Variants in RPAP3 observed in about 807,000 individuals in gnomAD.
RPAP3 encodes the protein RNA polymerase II-associated protein 3.
RPAP3 carries 58 observed loss-of-function variants against 88.8 expected under a neutral mutation model. The observed-to-expected ratio is 0.65, with a 90% CI of 0.53 to 0.81. The LOEUF is 0.81. Ranked by LOEUF, RPAP3 falls within the 40% of genes least tolerant of loss-of-function variation. The pLI, the probability that RPAP3 is intolerant of heterozygous loss-of-function variation, is 0.00. For missense variants in RPAP3, 751 were observed against 764.3 expected (o/e 0.98, Z 0.20); for synonymous variants, 255 against 259.9 (o/e 0.98, Z 0.18).
At chr12:47,681,644 T>C (rs1177668058) in intron 10 of RPAP3, 52 bp downstream of exon 10, 3 of 1,576,660 alleles carry the variant, frequency 1.9e-6, no homozygotes, top group Non-Finnish European at 2.6e-6. Flanking sequence ...TCTGCTTCTT[T>C]AACTTGGGCA....
At chr12:47,672,025 G>A (rs1164977085) in intron 12 of RPAP3, among the ~76,000 whole-genome samples, 1 of 150,646 alleles carries the variant, frequency 6.6e-6, no homozygotes, top group Non-Finnish European at 1.5e-5. Flanking sequence ...GAAGAACAAA[G>A]GAATAAAGAG....
intron 13 of RPAP3, among the ~76,000 whole-genome samples, chr12:47,669,474 C>CA (rs372314627): frequency 3.3e-5 from 5 of 150,980 alleles, no homozygotes; most frequent in Admixed American, 6.6e-5. Flanking sequence ...ATGCTTCTTC[C>CA]AAAAAAAACT....
At chr12:47,691,397 A>G (rs751555628) in intron 5 of RPAP3, among the ~76,000 whole-genome samples, 3 of 152,208 alleles carry the variant, frequency 2.0e-5, no homozygotes, top group Admixed American at 6.5e-5. Flanking sequence ...AAAGTCATCC[A>G]TAAGAGTTGA....
rs1048779683 is a variant in RPAP3 at position 47,699,523 on chromosome 12, G to A, written c.295-1804C>T. 5 of 152,288 alleles carry A rather than the reference G, an allele frequency of 3.3e-5. No homozygotes were observed. The South Asian group carries it at 8.3e-4, about 25-fold the overall frequency. The allele number at this position is 152,288 out of a possible 1,614,324, so 9.4% of individuals were successfully genotyped here. Reference sequence around the variant, plus strand: ...GATGGCAAACTAAATAAAAGTCCCAGCGCTCTTTTAATTAGCCTTAGTTTT... The same window carrying A: ...GATGGCAAACTAAATAAAAGTCCCAACGCTCTTTTAATTAGCCTTAGTTTT... On this transcript the variant is annotated intron_variant, in intron 3 of 16. Coordinates refer to ENST00000005386, the MANE Select transcript of RPAP3 (RefSeq NM_024604.3).
At chr12:47,686,615 C>T (rs1036072892) in intron 9 of RPAP3, among the ~76,000 whole-genome samples, 165 bp downstream of exon 9, 7 of 151,496 alleles carry the variant, frequency 4.6e-5, no homozygotes, top group Non-Finnish European at 8.8e-5. Flanking sequence ...TTTAAATGCT[C>T]AAAAATACAT....
chr12:47,665,940 A>G (rs142592564), intron 16 of RPAP3, among the ~76,000 whole-genome samples: 89 of 152,294 alleles, frequency 5.8e-4, no homozygotes, highest in African/African-American at 1.9e-3. Context: ...AAAAATATAT[A>G]TATCTAAATT....
chr12:47,667,865 T>A lies in RPAP3; in HGVS notation c.1714-14A>T, dbSNP rs757555678. On this transcript the variant is annotated splice_polypyrimidine_tract_variant and intron_variant, in intron 14 of 16. Coordinates refer to ENST00000005386, the MANE Select transcript of RPAP3 (RefSeq NM_024604.3). ...TGGTTCAATTTGCTTGAAAAAAAAA[T>A]AAAAAGACAATTACTTGATGGCAAC... 2.4e-5 allele frequency: 35 copies of A among 1,481,624 alleles called. No individual in the cohort carries two copies. The African/African-American group carries it at 4.5e-4, about 19-fold the overall frequency. The allele number at this position is 1,481,624 out of a possible 1,614,324, so 91.8% of individuals were successfully genotyped here.
At chr12:47,693,553 A>T (rs1939467896) in intron 5 of RPAP3, among the ~76,000 whole-genome samples, 1 of 152,198 alleles carries the variant, frequency 6.6e-6, no homozygotes, top group Non-Finnish European at 1.5e-5. Flanking sequence ...GTATCTGTGG[A>T]CGCAATAAAG....
chr12:47,681,708 C>A lies in RPAP3; in HGVS notation c.1102G>T (p.Glu368Ter). Residue 368 changes from glutamate (E) to a stop codon, truncating the protein, a stop_gained, in exon 10 of 17, where the codon GAG becomes TAG. Transcript: ENST00000005386. LOFTEE classifies it high-confidence loss of function. ...TARTFLGKLN[E>*]AKQDFETVLL... The stretch of plus-strand genomic sequence containing the variant: ...TATAAAGTCTTACCTTGTTTTGCCT[C>A]ATTTAGCTTTCCCAAAAATGTTCTT... 6.2e-7 allele frequency: 1 copy of A among 1,612,528 alleles called. No individual in the cohort carries two copies. The highest frequency in any genetic ancestry group is 8.5e-7 in the Non-Finnish European group (1 of 1,179,322).
At position 47,701,470 on chromosome 12, in the gene RPAP3, A is replaced by G. The variant is rs993954996; in HGVS notation, c.288T>C (p.Leu96=). The G allele has an allele frequency of 1.3e-6, 2 of 1,560,194 alleles. No individual in the cohort carries two copies. Among genetic ancestry groups the G allele is most frequent in the Non-Finnish European group, 1.7e-6 (2 of 1,159,240 alleles). The change falls in exon 3 of 17, where the codon CTT becomes CTC. Residue 96 remains leucine (L), a synonymous_variant. Transcript: ENST00000005386. The stretch of plus-strand genomic sequence containing the variant: ...AATGACTAGATTAACTTACCACATC[A>G]AGTTTTGCCCATGCCTCATAATCAT... ...KSYDYEAWAK[L]DVDRILDELD... is the part of the protein sequence containing the mutation.
intron 16 of RPAP3, 101 bp downstream of exon 16, chr12:47,666,879 A>T (rs896046631): frequency 7.4e-6 from 3 of 405,132 alleles, no homozygotes; most frequent in Non-Finnish European, 1.3e-5. Flanking sequence ...ATTAAATATA[A>T]CCTTATACAC....
At chr12:47,671,345 G>A (rs895207784) in intron 12 of RPAP3, among the ~76,000 whole-genome samples, 1 of 152,108 alleles carries the variant, frequency 6.6e-6, no homozygotes, top group African/African-American at 2.4e-5. Context: ...ATTTGTTTTA[G>A]CTTTAGAAAA....
At chr12:47,686,545 TACACAC>T (rs59485150) in intron 9 of RPAP3, among the ~76,000 whole-genome samples, 188 of 145,458 alleles carry the variant, frequency 1.3e-3, no homozygotes, top group South Asian at 3.6e-3. Flanking sequence ...CACATACACA[TACACAC>T]ACACACACAC....
intron 12 of RPAP3, among the ~76,000 whole-genome samples, chr12:47,678,454 G>C (rs2136619703): frequency 6.6e-6 from 1 of 152,270 alleles, no homozygotes; most frequent in Non-Finnish European, 1.5e-5. Flanking sequence ...CCATCAGAGT[G>C]AACAGGCAAC....
At chr12:47,687,010 T>C (rs1939340371) in intron 8 of RPAP3, 103 bp from the exon 9 acceptor site, 1 of 664,608 alleles carries the variant, frequency 1.5e-6, no homozygotes, top group Non-Finnish European at 2.3e-6. Context: ...CCAACAGTAT[T>C]TCAAGAAAGA....
At chr12:47,670,086 A>G in intron 13 of RPAP3, 21 bp downstream of exon 13, 1 of 1,424,878 alleles carries the variant, frequency 7.0e-7, no homozygotes, top group Non-Finnish European at 9.9e-7. Context: ...ATGATCAGCA[A>G]ATAACAGTAT....
chr12:47,667,766 T>C lies in RPAP3; in HGVS notation c.1799A>G (p.Asp600Gly), dbSNP rs1415961454. 7.5e-6 allele frequency: 12 copies of C among 1,598,746 alleles called. No individual in the cohort carries two copies. The highest frequency in any genetic ancestry group is 9.4e-6 in the Non-Finnish European group (11 of 1,169,974). The change falls in exon 15 of 17, where the codon GAC becomes GGC. Residue 600 changes from aspartate (D) to glycine (G), a missense_variant. Coordinates refer to ENST00000005386, the MANE Select transcript of RPAP3 (RefSeq NM_024604.3). The part of the protein sequence containing the change: ...VFNQIVKILH[D>G]FYIEKEKPLL... ...AAACTTGACTTACTCAATGTAAAAG[T>C]CATGCAGAATTTTAACGATCTGGTT...
At chr12:47,684,387 A>C (rs1463848473) in intron 9 of RPAP3, among the ~76,000 whole-genome samples, 2 of 152,176 alleles carry the variant, frequency 1.3e-5, no homozygotes, top group African/African-American at 4.8e-5. Context: ...ATTAGCTCTA[A>C]TTTGACACAG....
intron 12 of RPAP3, among the ~76,000 whole-genome samples, chr12:47,675,080 A>G (rs749043088): frequency 2.7e-4 from 41 of 152,178 alleles, no homozygotes; most frequent in Non-Finnish European, 3.7e-4. Context: ...AGAAGACAGT[A>G]GGGGCCAATG....
Sources: gnomAD v4.1 joint callset for allele counts (sites outside exome capture counted in the v4.1 genomes callset) on GRCh38, gnomAD v4.1.1 for gene constraint, MANE v1.5 for transcripts, NCBI Gene and HGNC (gene_info 2026-07-23, HGNC 2026-07-21) for gene names.